TRMT10B: variants seen among roughly 807,000 people sequenced by gnomAD.
TRMT10B encodes tRNA methyltransferase 10B, also known as tRNA methyltransferase 10 homolog B.
TRMT10B carries 33 observed loss-of-function variants against 43.8 expected under a neutral mutation model. The observed-to-expected ratio is 0.75, with a 90% CI of 0.57 to 1.01. TRMT10B has a LOEUF of 1.01. TRMT10B is among the 50% of genes least tolerant of loss of function. The pLI, the probability that TRMT10B is intolerant of heterozygous loss-of-function variation, is 0.00. For synonymous variants in TRMT10B, 137 were observed against 130.6 expected (o/e 1.05, Z -0.34); for missense variants, 362 against 369.8 (o/e 0.98, Z 0.17).
At chr9:37,774,400 T>G (rs1344456793) in intron 7 of TRMT10B, among the ~76,000 whole-genome samples, 1 of 152,248 alleles carries the variant, frequency 6.6e-6, no homozygotes, top group East Asian at 1.9e-4. Flanking sequence ...CACCAACATT[T>G]AAACTGAAAA....
chr9:37,764,468 C>T (rs1377328407), intron 4 of TRMT10B, among the ~76,000 whole-genome samples: 1 of 151,738 alleles, frequency 6.6e-6, no homozygotes, highest in African/African-American at 2.4e-5. Flanking sequence ...ACTACAGGCT[C>T]CTGCCACCAT....
At chr9:37,763,542 C>T in intron 3 of TRMT10B, 87 bp from the exon 4 acceptor site, 1 of 1,201,386 alleles carries the variant, frequency 8.3e-7, no homozygotes. Context: ...TCTTTATATG[C>T]AAAATACCCA....
Position 37,768,108 on chromosome 9 carries a change from G to A in TRMT10B, c.453G>A (p.Arg151=). ...ELSRLAGQIR[R]LYGSNKKADR... is the part of the protein sequence containing the mutation. ...GTAGACTGGCTGGACAGATTCGAAGGTTGTATGGTTCAAACAAAAAAGCTG... is the reference window on the plus strand; with the variant it reads ...GTAGACTGGCTGGACAGATTCGAAGATTGTATGGTTCAAACAAAAAAGCTG... The change falls in exon 5 of 9, where the codon AGG becomes AGA. Residue 151 remains arginine (R), a synonymous_variant. Coordinates refer to ENST00000297994, the MANE Select transcript of TRMT10B (RefSeq NM_144964.4). The A allele has an allele frequency of 6.2e-7, 1 of 1,614,048 alleles. No individual in the cohort carries two copies. The highest frequency in any genetic ancestry group is 8.5e-7 in the Non-Finnish European group (1 of 1,179,992).
At chr9:37,764,877 G>T (rs1243658404) in intron 4 of TRMT10B, among the ~76,000 whole-genome samples, 3 of 152,120 alleles carry the variant, frequency 2.0e-5, no homozygotes, top group African/African-American at 7.2e-5. Flanking sequence ...ACAGCCCAGG[G>T]GAGGAAGATA....
Position 37,763,760 on chromosome 9 carries a change from C to T in TRMT10B, c.420+7C>T, listed in dbSNP as rs1419186545. On this transcript the variant is annotated splice_region_variant and intron_variant, in intron 4 of 8. Transcript: ENST00000297994. ...CCACTACATGTCAAAGAAGGTAGAA[C>T]ATCCACTAAGCCTGGAATTCCTGCT... is the stretch of plus-strand genomic sequence containing the variant. 1 of 1,613,802 alleles carries T rather than the reference C, an allele frequency of 6.2e-7. No individual in the cohort carries two copies.
intron 3 of TRMT10B, among the ~76,000 whole-genome samples, chr9:37,763,157 A>C (rs948939337): frequency 1.2e-4 from 17 of 143,178 alleles, no homozygotes; most frequent in East Asian, 9.7e-4. Flanking sequence ...AAAAAAAAAA[A>C]AAAAAAAACA....
chr9:37,776,555 A>G (rs1461041541), intron 8 of TRMT10B, 150 bp downstream of exon 8: 1 of 982,020 alleles, frequency 1.0e-6, no homozygotes, highest in Non-Finnish European at 1.4e-6. Context: ...CTGGCCACTA[A>G]GAGGCATTCT....
chr9:37,765,248 G>T (rs187665280), intron 4 of TRMT10B, among the ~76,000 whole-genome samples: 1 of 151,484 alleles, frequency 6.6e-6, no homozygotes, highest in African/African-American at 2.4e-5. Flanking sequence ...CCTTCCCCCC[G>T]TCCCCCGACC....
At chr9:37,765,790 G>A (rs1277437546) in intron 4 of TRMT10B, among the ~76,000 whole-genome samples, 2 of 152,322 alleles carry the variant, frequency 1.3e-5, no homozygotes, top group East Asian at 3.9e-4. Context: ...TAACTGGTGT[G>A]AGGTGGTATC....
intron 4 of TRMT10B, 145 bp downstream of exon 4, chr9:37,763,898 A>AGT (rs760221225): frequency 6.6e-7 from 1 of 1,520,334 alleles, no homozygotes; most frequent in Non-Finnish European, 8.9e-7. Context: ...CTGGGTTACT[A>AGT]AGTTCCAAGG....
chr9:37,759,507 A>G (rs1826095862), intron 1 of TRMT10B, among the ~76,000 whole-genome samples: 1 of 152,224 alleles, frequency 6.6e-6, no homozygotes. Context: ...TGGAAAGTGG[A>G]GAAGAAAGTT....
chr9:37,769,308 T>TAAAA (rs57651814), intron 5 of TRMT10B, among the ~76,000 whole-genome samples: 6,325 of 60,348 alleles, frequency 0.1, 646 homozygotes, highest in Non-Finnish European at 0.13. Context: ...ACCCTGTCTT[T>TAAAA]AAAAAAAAAA....
rs758420828 is a variant in TRMT10B, at chr9:37,770,684, T to A, written c.665T>A (p.Val222Asp). The change falls in exon 7 of 9, where the codon GTT (valine) becomes GAT (aspartate). Residue 222 changes from valine to aspartate, a missense_variant. Val to Asp is a radical substitution (Grantham distance 152). Transcript: ENST00000297994. ...TPDSEHALED[V>D]DLNKVYILGG... is the part of the protein sequence containing the mutation. ...ATTTTTTCATTAGCTCTTGAAGATG[T>A]TGATCTAAACAAAGTTTACATCCTC... 1.2e-6 allele frequency: 2 copies of A among 1,613,956 alleles called. No individual in the cohort carries two copies. The highest frequency in any genetic ancestry group is 1.3e-5 in the African/African-American group (1 of 75,062).
At chr9:37,753,768 A>T (rs1444599471), upstream of TRMT10B, 1 of 152,046 alleles carries the variant, frequency 6.6e-6, no homozygotes, top group African/African-American at 2.4e-5. Context: ...TGCCATTCGG[A>T]GCGGAGTTAC....
At position 37,777,680 on chromosome 9, in the gene TRMT10B, C is replaced by T. The variant is rs1322458404; in HGVS notation, c.924C>T (p.Gly308=). 3.7e-6 allele frequency: 6 copies of T among 1,613,914 alleles called. No homozygotes were observed. The highest frequency in any genetic ancestry group is 4.2e-6 in the Non-Finnish European group (5 of 1,179,934). ...ALKKGVSSGK[G]YILRNSVE Reference sequence around the variant, plus strand: ...AGAAAGGAGTTTCTTCAGGAAAAGGCTATATTCTTCGGAACTCAGTGGAAT... The same window carrying T: ...AGAAAGGAGTTTCTTCAGGAAAAGGTTATATTCTTCGGAACTCAGTGGAAT... Residue 308 remains glycine, a synonymous_variant, in exon 9 of 9, where the codon GGC becomes GGT. Coordinates refer to ENST00000297994, the MANE Select transcript of TRMT10B (RefSeq NM_144964.4).
chr9:37,773,851 G>C (rs529596386), intron 7 of TRMT10B, among the ~76,000 whole-genome samples: 1 of 151,444 alleles, frequency 6.6e-6, no homozygotes, highest in South Asian at 2.1e-4. Flanking sequence ...ACAAAGTCTG[G>C]AGGGCTGGAG....
intron 4 of TRMT10B, 115 bp downstream of exon 4, chr9:37,763,868 A>G (rs1214552766): frequency 4.4e-6 from 7 of 1,587,174 alleles, no homozygotes; most frequent in East Asian, 2.3e-5. Flanking sequence ...GTAAACTAGT[A>G]AAGTGTTTGA....
At position 37,778,549 on chromosome 9, in the gene TRMT10B, C is replaced by T. The variant is rs1828424661; in HGVS notation, c.*842C>T. On this transcript the variant is annotated 3_prime_UTR_variant, in exon 9 of 9. Transcript: ENST00000297994. ...ATGTAACAAGGAATTAGCCTCAAAA[C>T]CACATGGCTTTGGACGTGCTAATTC... 1 of 152,072 alleles carries T rather than the reference C, an allele frequency of 6.6e-6. No homozygotes were observed. Among genetic ancestry groups the T allele is most frequent in the East Asian group, 1.9e-4 (1 of 5,198 alleles). The allele number at this position is 152,072 out of a possible 1,614,324, so 9.4% of individuals were successfully genotyped here.
At chr9:37,761,851 A>G in intron 1 of TRMT10B, 52 bp from the exon 2 acceptor site, 2 of 1,281,048 alleles carry the variant, frequency 1.6e-6, no homozygotes, top group East Asian at 4.8e-5. Context: ...GTAGGGAGAT[A>G]CCTATGTTAG....
Sources: allele counts gnomAD v4.1 joint callset (sites outside exome capture counted in the v4.1 genomes callset), GRCh38; gene constraint gnomAD v4.1.1; transcripts MANE v1.5; gene names NCBI Gene and HGNC (gene_info 2026-07-23, HGNC 2026-07-21).